Variants in CCSER1 observed in about 807,000 individuals in gnomAD.
CCSER1 encodes coiled-coil serine rich protein 1, also known as serine-rich coiled-coil domain-containing protein 1.
A neutral mutation model predicts 82.0 loss-of-function variants in CCSER1; 41 were observed. The ratio of observed to expected loss-of-function variants is 0.50; its 90% confidence interval spans 0.39 to 0.65. CCSER1 has a LOEUF of 0.65. Among genes scored for constraint, CCSER1 ranks in the 30% least tolerant of loss-of-function variants. The probability of loss-of-function intolerance (pLI) is 0.00; values close to 1 mark genes in which losing one functional copy is unlikely to be tolerated. For missense variants in CCSER1, 1,119 were observed against 1,064.2 expected (o/e 1.05, Z -0.72); for synonymous variants, 414 against 383.9 (o/e 1.08, Z -0.92).
chr4:90,782,838 C>A (rs1306861982), intron 7 of CCSER1, among the ~76,000 whole-genome samples: 1 of 151,590 alleles, frequency 6.6e-6, no homozygotes, highest in South Asian at 2.1e-4. Flanking sequence ...CCAGCCATCA[C>A]GCCTGGCTAA....
intron 10 of CCSER1, among the ~76,000 whole-genome samples, chr4:91,166,518 A>G (rs567857195): frequency 1.3e-5 from 2 of 152,346 alleles, no homozygotes; most frequent in Admixed American, 6.5e-5. Flanking sequence ...CCGTCTAAGC[A>G]TCTACTTTTT....
intron 10 of CCSER1, among the ~76,000 whole-genome samples, chr4:91,198,359 TA>T (rs61587555): frequency 0.68 from 103,099 of 151,656 alleles, 35,975 homozygotes; most frequent in East Asian, 0.93. Flanking sequence ...TCTGTTTCAA[TA>T]AAAAAAAAGT....
chr4:91,497,797 C>T (rs1759003584), intron 10 of CCSER1, among the ~76,000 whole-genome samples: 1 of 151,786 alleles, frequency 6.6e-6, no homozygotes, highest in Non-Finnish European at 1.5e-5. Flanking sequence ...GTGACAGGAC[C>T]AGTAAGACTA....
chr4:90,339,707 A>G (rs1741048407), intron 3 of CCSER1, among the ~76,000 whole-genome samples: 1 of 152,040 alleles, frequency 6.6e-6, no homozygotes, highest in Non-Finnish European at 1.5e-5. Flanking sequence ...GTGTCACCTT[A>G]TCATTATGTC....
At chr4:90,842,025 CTG>C (rs1561231017) in intron 8 of CCSER1, among the ~76,000 whole-genome samples, 1 of 103,194 alleles carries the variant, frequency 9.7e-6, no homozygotes, top group African/African-American at 3.1e-5. Flanking sequence ...ACTGATTTCT[CTG>C]TTTTTTTTTT....
chr4:91,354,793 A>G (rs999371653), intron 10 of CCSER1, among the ~76,000 whole-genome samples: 1 of 152,220 alleles, frequency 6.6e-6, no homozygotes, highest in African/African-American at 2.4e-5. Context: ...CAAACATAAC[A>G]TGAAGTGACA....
At chr4:90,949,694 T>C (rs1732675612) in intron 9 of CCSER1, among the ~76,000 whole-genome samples, 2 of 152,174 alleles carry the variant, frequency 1.3e-5, no homozygotes. Flanking sequence ...CTGTTGTTGT[T>C]GGGCATACAC....
intron 5 of CCSER1, among the ~76,000 whole-genome samples, chr4:90,537,626 T>G (rs1279783760): frequency 6.6e-6 from 1 of 152,204 alleles, no homozygotes; most frequent in East Asian, 1.9e-4. Flanking sequence ...GTGGTTGCTT[T>G]GTATGAAGGA....
chr4:91,225,708 C>T (rs1204757124), intron 10 of CCSER1, among the ~76,000 whole-genome samples: 1 of 151,798 alleles, frequency 6.6e-6, no homozygotes, highest in Non-Finnish European at 1.5e-5. Flanking sequence ...TTTTCAGTCT[C>T]TCATGTATTC....
At chr4:91,021,388 CT>C (rs2150527957) in intron 9 of CCSER1, among the ~76,000 whole-genome samples, 2 of 152,188 alleles carry the variant, frequency 1.3e-5, no homozygotes, top group African/African-American at 4.8e-5. Context: ...AATACAGACA[CT>C]GACTTTAGAT....
chr4:90,214,480 C>G (rs558244134), intron 1 of CCSER1, among the ~76,000 whole-genome samples: 1 of 152,260 alleles, frequency 6.6e-6, no homozygotes, highest in East Asian at 1.9e-4. Context: ...AATGTGATCA[C>G]TCAGCATAAT....
intron 1 of CCSER1, among the ~76,000 whole-genome samples, chr4:90,233,145 A>C (rs1462123554): frequency 3.3e-5 from 5 of 152,168 alleles, no homozygotes; most frequent in Admixed American, 2.6e-4. Flanking sequence ...AAGGACTATA[A>C]ATCATGCTGC....
intron 6 of CCSER1, among the ~76,000 whole-genome samples, chr4:90,686,910 A>G (rs6858088): frequency 0.45 from 69,114 of 151,942 alleles, 16,105 homozygotes; most frequent in Middle Eastern, 0.58. Context: ...TCTGTCAACA[A>G]GTAACAGAAG....
At chr4:90,944,334 A>G (rs1731977018) in intron 9 of CCSER1, among the ~76,000 whole-genome samples, 1 of 152,174 alleles carries the variant, frequency 6.6e-6, no homozygotes, top group South Asian at 2.1e-4. Context: ...GAGCTAATAC[A>G]AAAGACCGCA....
At chr4:90,665,409 C>CT (rs1731570385) in intron 6 of CCSER1, among the ~76,000 whole-genome samples, 1 of 151,680 alleles carries the variant, frequency 6.6e-6, no homozygotes, top group Non-Finnish European at 1.5e-5. Flanking sequence ...GCAGGCTCCG[C>CT]CCCCAGAGTT....
At chr4:90,785,565 AT>A (rs1399436599) in intron 7 of CCSER1, among the ~76,000 whole-genome samples, 1 of 152,224 alleles carries the variant, frequency 6.6e-6, no homozygotes, top group Non-Finnish European at 1.5e-5. Flanking sequence ...AATGTGACAA[AT>A]TCTGAAAAAT....
At chr4:90,561,499 G>A (rs189113203) in intron 5 of CCSER1, among the ~76,000 whole-genome samples, 4 of 152,296 alleles carry the variant, frequency 2.6e-5, no homozygotes, top group Admixed American at 2.6e-4. Context: ...ATTAAAGCAT[G>A]CTGTTCCAAT....
chr4:91,516,635 C>T (rs1173686528), intron 10 of CCSER1, among the ~76,000 whole-genome samples: 2 of 151,894 alleles, frequency 1.3e-5, no homozygotes, highest in South Asian at 4.1e-4. Context: ...TTGAAGTGAG[C>T]TAGTATTATG....
chr4:91,568,502 C>T (rs541810647), intron 10 of CCSER1, among the ~76,000 whole-genome samples: 4 of 152,160 alleles, frequency 2.6e-5, no homozygotes, highest in African/African-American at 9.6e-5. Context: ...ATTGATTTGG[C>T]CTCTTCATAT....
Sources: gnomAD v4.1 joint callset for allele counts (sites outside exome capture counted in the v4.1 genomes callset) on GRCh38, gnomAD v4.1.1 for gene constraint, MANE v1.5 for transcripts, NCBI Gene and HGNC (gene_info 2026-07-23, HGNC 2026-07-21) for gene names.